Variants in PTPRD observed in about 807,000 individuals in gnomAD.
The protein encoded by PTPRD is receptor-type tyrosine-protein phosphatase delta.
PTPRD carries 34 observed loss-of-function variants against 214.5 expected under a neutral mutation model. The observed-to-expected ratio is 0.16, with a 90% CI of 0.12 to 0.21. The LOEUF (loss-of-function observed/expected upper bound fraction) is 0.21, where lower values mean the gene tolerates loss of function less well. Ranked by LOEUF, PTPRD falls within the 10% of genes least tolerant of loss-of-function variation. The probability of loss-of-function intolerance (pLI) is 1.00; values close to 1 mark genes in which losing one functional copy is unlikely to be tolerated. For synonymous variants in PTPRD, 1,128 were observed against 845.7 expected, an observed-to-expected ratio of 1.33 and a Z score of -5.79; for missense variants, 2,545 against 2,398.7, an observed-to-expected ratio of 1.06 and a Z score of -1.27.
At chr9:9,837,508 G>A (rs1408084545) in intron 5 of PTPRD, among the ~76,000 whole-genome samples, 1 of 152,078 alleles carries the variant, frequency 6.6e-6, no homozygotes, top group Non-Finnish European at 1.5e-5. Flanking sequence ...AAAGTCAAAA[G>A]GGCCATATAG....
At chr9:8,846,346 T>C (rs1258543682) in intron 11 of PTPRD, among the ~76,000 whole-genome samples, 1 of 152,274 alleles carries the variant, frequency 6.6e-6, no homozygotes, top group African/African-American at 2.4e-5. Context: ...AATATTACTA[T>C]TGCACCGAGC....
intron 7 of PTPRD, among the ~76,000 whole-genome samples, chr9:9,618,014 G>C (rs1157363601): frequency 7.7e-6 from 1 of 130,312 alleles, no homozygotes; most frequent in African/African-American, 2.9e-5. Context: ...GGAGCTTGCA[G>C]TGAGCCCAGA....
intron 3 of PTPRD, among the ~76,000 whole-genome samples, chr9:10,193,493 C>T (rs1254093328): frequency 2.0e-5 from 3 of 151,916 alleles, no homozygotes; most frequent in Admixed American, 6.6e-5. Context: ...TGTCAAAAGG[C>T]AAACAAATGT....
At position 9,844,508 on chromosome 9, in the gene PTPRD, C is replaced by T. The variant is rs76316436; in HGVS notation, c.-367-77657G>A. 8.1e-3 allele frequency among the ~76,000 whole-genome samples: 1,237 copies of T among 151,810 alleles called. 19 individuals are homozygous for T. Among genetic ancestry groups the T allele is most frequent in the African/African-American group, 0.028 (1,171 of 41,432 alleles). ...TTTATCTTTATAATCCTAATATCTGCCTGGGTGCCTAGAAAATATTAAATT... is the reference window on the plus strand; with the variant it reads ...TTTATCTTTATAATCCTAATATCTGTCTGGGTGCCTAGAAAATATTAAATT... On this transcript the variant is annotated intron_variant, in intron 5 of 45. Transcript: ENST00000381196.
chr9:10,169,655 G>C (rs1170039179), intron 3 of PTPRD, among the ~76,000 whole-genome samples: 1 of 152,048 alleles, frequency 6.6e-6, no homozygotes, highest in African/African-American at 2.4e-5. Context: ...TTCTAATCTT[G>C]AGTGTGGCTT....
chr9:10,263,553 C>G (rs755290735), intron 3 of PTPRD, among the ~76,000 whole-genome samples: 1 of 152,076 alleles, frequency 6.6e-6, no homozygotes, highest in Non-Finnish European at 1.5e-5. Flanking sequence ...CCCTAGAGAT[C>G]TGTGGAATTT....
intron 3 of PTPRD, among the ~76,000 whole-genome samples, chr9:10,084,258 A>T (rs892532899): frequency 1.3e-5 from 2 of 152,010 alleles, no homozygotes; most frequent in Non-Finnish European, 2.9e-5. Context: ...TACAGAAAGC[A>T]TATTTTAAAA....
chr9:8,399,518 A>G (rs1166951229), intron 36 of PTPRD, among the ~76,000 whole-genome samples: 1 of 152,124 alleles, frequency 6.6e-6, no homozygotes, highest in African/African-American at 2.4e-5. Context: ...CTGTCTCTTT[A>G]TTCAGTATAT....
intron 11 of PTPRD, among the ~76,000 whole-genome samples, chr9:8,992,556 C>T (rs1249841016): frequency 6.6e-6 from 1 of 152,058 alleles, no homozygotes; most frequent in African/African-American, 2.4e-5. Flanking sequence ...GGTTATTTAG[C>T]ACAACGAATA....
chr9:8,528,249 T>C (rs2139425078), intron 15 of PTPRD: 1 of 426,546 alleles, frequency 2.3e-6, no homozygotes. Context: ...ATAAATTTGT[T>C]TCAAAAGAAA....
chr9:9,616,505 T>A (rs2094873832), intron 7 of PTPRD, among the ~76,000 whole-genome samples: 1 of 151,960 alleles, frequency 6.6e-6, no homozygotes. Flanking sequence ...TTCTAAGTTT[T>A]CTCATAGACA....
rs116698260 is a variant in PTPRD, at chr9:8,827,981, A to T, written c.-103-94035T>A. 3.1e-3 allele frequency among the ~76,000 whole-genome samples: 470 copies of T among 152,296 alleles called. 2 individuals are homozygous for T. Among genetic ancestry groups the T allele is most frequent in the Middle Eastern group, 6.8e-3 (2 of 294 alleles). On this transcript the variant is annotated intron_variant, in intron 11 of 45. Transcript: ENST00000381196. ...TCACCATCCCCTAAACAATAAGATA[A>T]TAATATATTCAATACTGTGTTGGGC...
chr9:10,122,743 A>G (rs1047517877), intron 3 of PTPRD, among the ~76,000 whole-genome samples: 3 of 152,214 alleles, frequency 2.0e-5, no homozygotes, highest in Non-Finnish European at 2.9e-5. Context: ...ATTTACAAAT[A>G]TCCTTAGGCC....
intron 12 of PTPRD, among the ~76,000 whole-genome samples, chr9:8,680,724 TTCTATA>T (rs1040267214): frequency 5.3e-5 from 8 of 152,180 alleles, no homozygotes; most frequent in Non-Finnish European, 1.0e-4. Flanking sequence ...ATGCCTATAC[TTCTATA>T]TCTATGTCTT....
chr9:10,251,894 G>C (rs2154369772), intron 3 of PTPRD, among the ~76,000 whole-genome samples: 1 of 152,206 alleles, frequency 6.6e-6, no homozygotes, highest in Admixed American at 6.5e-5. Context: ...TTCAGGGTTA[G>C]AATTTCTGGT....
intron 8 of PTPRD, among the ~76,000 whole-genome samples, chr9:9,572,838 A>G (rs913472197): frequency 4.6e-5 from 7 of 151,388 alleles, no homozygotes; most frequent in African/African-American, 1.7e-4. Flanking sequence ...ATATATTCCA[A>G]TTATAATACC....
intron 9 of PTPRD, among the ~76,000 whole-genome samples, chr9:9,325,220 T>A (rs1240264200): frequency 1.3e-5 from 2 of 152,208 alleles, no homozygotes; most frequent in African/African-American, 4.8e-5. Flanking sequence ...TTTCTCCAAT[T>A]CTGTGAAGAA....
chr9:9,161,457 G>A (rs1380945715), intron 10 of PTPRD, among the ~76,000 whole-genome samples: 1 of 152,114 alleles, frequency 6.6e-6, no homozygotes, highest in Non-Finnish European at 1.5e-5. Flanking sequence ...AAGATGCTGA[G>A]AAGAGAAAGT....
intron 12 of PTPRD, among the ~76,000 whole-genome samples, chr9:8,729,348 A>G (rs1451690859): frequency 6.6e-6 from 1 of 152,148 alleles, no homozygotes; most frequent in Non-Finnish European, 1.5e-5. Context: ...AAGAACTCCT[A>G]CATATAGGAC....
Sources: gnomAD v4.1 joint callset for allele counts (sites outside exome capture counted in the v4.1 genomes callset) on GRCh38, gnomAD v4.1.1 for gene constraint, MANE v1.5 for transcripts, NCBI Gene and HGNC (gene_info 2026-07-23, HGNC 2026-07-21) for gene names.